Variants in ADAMTS12 observed in about 807,000 individuals in gnomAD.
The protein encoded by ADAMTS12 is A disintegrin and metalloproteinase with thrombospondin motifs 12.
Under a neutral mutation model 167.8 loss-of-function variants are expected in ADAMTS12, and 118 were observed. The observed-to-expected ratio is 0.70, with a 90% CI of 0.61 to 0.82. The LOEUF (loss-of-function observed/expected upper bound fraction) is 0.82. Ranked by LOEUF, ADAMTS12 falls within the 40% of genes least tolerant of loss-of-function variation. ADAMTS12 has a pLI of 0.00. For missense variants in ADAMTS12, 1,916 were observed against 1,998.8 expected, an observed-to-expected ratio of 0.96 and a Z score of 0.79; for synonymous variants, 704 against 716.9, an observed-to-expected ratio of 0.98 and a Z score of 0.29.
chr5:33,739,780 C>A (rs1273762267), intron 3 of ADAMTS12, among the ~76,000 whole-genome samples: 6 of 152,084 alleles, frequency 3.9e-5, no homozygotes, highest in African/African-American at 1.4e-4. Flanking sequence ...GGCCTGTGCT[C>A]CGAAGTTTGT....
intron 3 of ADAMTS12, among the ~76,000 whole-genome samples, chr5:33,721,372 A>G (rs1245254814): frequency 1.3e-5 from 2 of 152,190 alleles, no homozygotes; most frequent in African/African-American, 4.8e-5. Flanking sequence ...AATGAGAAGT[A>G]CACATGAGAA....
chr5:33,815,558 G>C (rs1747621040), intron 2 of ADAMTS12, among the ~76,000 whole-genome samples: 1 of 152,160 alleles, frequency 6.6e-6, no homozygotes, highest in African/African-American at 2.4e-5. Context: ...TGTTTTTTAA[G>C]TCACCTACTC....
At chr5:33,762,498 A>T (rs1745394360) in intron 2 of ADAMTS12, among the ~76,000 whole-genome samples, 1 of 151,804 alleles carries the variant, frequency 6.6e-6, no homozygotes, top group African/African-American at 2.4e-5. Flanking sequence ...GCATAGTGAG[A>T]CTCCACCTCA....
intron 12 of ADAMTS12, among the ~76,000 whole-genome samples, chr5:33,632,332 C>T (rs1030812253): frequency 6.6e-6 from 1 of 151,910 alleles, no homozygotes; most frequent in Non-Finnish European, 1.5e-5. Flanking sequence ...ACTAGAACCC[C>T]AATCCCTACC....
intron 14 of ADAMTS12, among the ~76,000 whole-genome samples, chr5:33,622,772 C>T (rs143546787): frequency 2.0e-5 from 3 of 152,304 alleles, no homozygotes; most frequent in African/African-American, 7.2e-5. Context: ...TTACAAAACA[C>T]CTTTGTAAAG....
intron 19 of ADAMTS12, among the ~76,000 whole-genome samples, chr5:33,573,047 C>G (rs578072956): frequency 1.3e-5 from 2 of 151,898 alleles, no homozygotes; most frequent in Non-Finnish European, 1.5e-5. Flanking sequence ...TACAAGGGAC[C>G]TGAAGGACCT....
At chr5:33,735,998 C>G (rs985721895) in intron 3 of ADAMTS12, among the ~76,000 whole-genome samples, 2 of 150,504 alleles carry the variant, frequency 1.3e-5, no homozygotes, top group Non-Finnish European at 3.0e-5. Context: ...ATTCTTAGAG[C>G]TTTTAAAATG....
chr5:33,588,760 C>T lies in ADAMTS12; in HGVS notation c.2704G>A (p.Gly902Arg). 6.2e-7 allele frequency: 1 copy of T among 1,614,016 alleles called. No individual in the cohort carries two copies. Among genetic ancestry groups the T allele is most frequent in the South Asian group, 1.1e-5 (1 of 91,082 alleles). The part of the protein sequence containing the change: ...EACSATCGPH[G>R]EKKRTVLCIQ... ...CACAGCACGGTTCGCTTCTTCTCCCCGTGGGGCCCGCATGTCGCCGAGCAT... is the reference window on the plus strand; with the variant it reads ...CACAGCACGGTTCGCTTCTTCTCCCTGTGGGGCCCGCATGTCGCCGAGCAT... The change falls in exon 18 of 24, where the codon GGG (glycine) becomes AGG (arginine). Residue 902 changes from glycine to arginine, a missense_variant. Physicochemically the swap from Gly to Arg is moderately radical, Grantham distance 125 (BLOSUM62 -2). Coordinates refer to ENST00000504830, the MANE Select transcript of ADAMTS12 (RefSeq NM_030955.4).
At chr5:33,706,769 A>C (rs1239459916) in intron 3 of ADAMTS12, among the ~76,000 whole-genome samples, 1 of 152,204 alleles carries the variant, frequency 6.6e-6, no homozygotes, top group Non-Finnish European at 1.5e-5. Context: ...CATGCTAAAA[A>C]CTCTCAATAA....
intron 20 of ADAMTS12, among the ~76,000 whole-genome samples, chr5:33,559,476 G>C (rs997256763): frequency 6.6e-6 from 1 of 152,180 alleles, no homozygotes; most frequent in Non-Finnish European, 1.5e-5. Flanking sequence ...AAGCACCAAG[G>C]CTAACTAATC....
intron 2 of ADAMTS12, among the ~76,000 whole-genome samples, chr5:33,757,627 G>GA (rs1350540172): frequency 6.6e-6 from 1 of 152,048 alleles, no homozygotes; most frequent in Non-Finnish European, 1.5e-5. Flanking sequence ...CAAGCGGTGG[G>GA]AAAAAATAAT....
At chr5:33,601,243 C>T (rs1341950357) in intron 16 of ADAMTS12, among the ~76,000 whole-genome samples, 3 of 151,994 alleles carry the variant, frequency 2.0e-5, no homozygotes, top group African/African-American at 7.2e-5. Context: ...TCCTGCTAAC[C>T]TTCTCAAGCC....
At chr5:33,811,434 G>A (rs1028253298) in intron 2 of ADAMTS12, among the ~76,000 whole-genome samples, 2 of 152,180 alleles carry the variant, frequency 1.3e-5, no homozygotes, top group Non-Finnish European at 2.9e-5. Context: ...CACTGAGAAG[G>A]TGATGTCTGA....
chr5:33,625,074 C>T (rs917873604), intron 13 of ADAMTS12, among the ~76,000 whole-genome samples: 1 of 152,104 alleles, frequency 6.6e-6, no homozygotes, highest in African/African-American at 2.4e-5. Context: ...AGTCAACAGC[C>T]TTGAACTCTT....
intron 2 of ADAMTS12, among the ~76,000 whole-genome samples, chr5:33,787,538 C>G (rs1003436387): frequency 3.3e-5 from 5 of 152,124 alleles, no homozygotes; most frequent in Non-Finnish European, 4.4e-5. Flanking sequence ...CTTTAGTTGC[C>G]AAGTATATGG....
chr5:33,858,373 A>G (rs1749484482), intron 2 of ADAMTS12, among the ~76,000 whole-genome samples: 1 of 152,218 alleles, frequency 6.6e-6, no homozygotes, highest in Non-Finnish European at 1.5e-5. Flanking sequence ...AGAAAAGGAC[A>G]AGTCCAGGTG....
chr5:33,570,859 G>T (rs865912497), intron 19 of ADAMTS12, among the ~76,000 whole-genome samples: 1 of 150,508 alleles, frequency 6.6e-6, no homozygotes, highest in Non-Finnish European at 1.5e-5. Flanking sequence ...CCCATCTCAC[G>T]TGCAGAGACA....
At chr5:33,651,625 G>T (rs1269648696) in intron 7 of ADAMTS12, among the ~76,000 whole-genome samples, 1 of 152,126 alleles carries the variant, frequency 6.6e-6, no homozygotes, top group Non-Finnish European at 1.5e-5. Flanking sequence ...TACCTGAGAG[G>T]CACCTTAACA....
rs766719558 is a variant in ADAMTS12, at chr5:33,577,126, C to A, written c.2900G>T (p.Arg967Leu). ...SVSCGGGVRI[R>L]SVTCAKNHDE... ...ATGGTTCTTGGCACATGTGACACTG[C>A]GAATCCGCACTCCACCACCACAGGA... The change falls in exon 19 of 24, where the codon CGC (arginine) becomes CTC (leucine). Residue 967 changes from arginine (R) to leucine (L), a missense_variant. Physicochemically the swap from Arg to Leu is moderately radical, Grantham distance 102 (BLOSUM62 -2). Coordinates refer to ENST00000504830, the MANE Select transcript of ADAMTS12 (RefSeq NM_030955.4). The A allele has an allele frequency of 6.2e-6, 10 of 1,614,098 alleles. No individual in the cohort carries two copies. Among genetic ancestry groups the A allele is most frequent in the Non-Finnish European group, 8.5e-6 (10 of 1,180,012 alleles).
Sources: allele counts gnomAD v4.1 joint callset (sites outside exome capture counted in the v4.1 genomes callset), GRCh38; gene constraint gnomAD v4.1.1; transcripts MANE v1.5; gene names NCBI Gene and HGNC (gene_info 2026-07-23, HGNC 2026-07-21).